Variants in MAPK10 observed in about 807,000 individuals in gnomAD.
MAPK10 encodes JNK3 alpha protein kinase.
MAPK10 carries 25 observed loss-of-function variants against 59.3 expected under a neutral mutation model. The observed-to-expected ratio is 0.42, with a 90% CI of 0.31 to 0.59. The LOEUF (loss-of-function observed/expected upper bound fraction) is 0.59. MAPK10 is among the 20% of genes least tolerant of loss of function. MAPK10 has a pLI of 0.15. For synonymous variants in MAPK10, 190 were observed against 200.5 expected (o/e 0.95, Z 0.44); for missense variants, 351 against 568.9 (o/e 0.62, Z 3.90).
chr4:86,286,230 C>T (rs1447554597), intron 2 of MAPK10, among the ~76,000 whole-genome samples: 1 of 152,260 alleles, frequency 6.6e-6, no homozygotes, highest in Non-Finnish European at 1.5e-5. Context: ...AATAGATTAT[C>T]ACTGGATAGC....
At chr4:86,091,241 T>C (rs984329221) in intron 9 of MAPK10, 16 of 151,380 alleles carry the variant, frequency 1.1e-4, no homozygotes, top group African/African-American at 3.9e-4. Context: ...AAAGGTTTAT[T>C]TATTTTAAAT....
chr4:86,183,043 A>T (rs1361887688), intron 3 of MAPK10, among the ~76,000 whole-genome samples: 1 of 152,138 alleles, frequency 6.6e-6, no homozygotes, highest in Non-Finnish European at 1.5e-5. Context: ...AAATGGCTGA[A>T]ATTTTTAGGC....
chr4:86,333,011 A>C (rs2096190647), intron 2 of MAPK10, among the ~76,000 whole-genome samples: 1 of 152,144 alleles, frequency 6.6e-6, no homozygotes, highest in Admixed American at 6.5e-5. Flanking sequence ...GGATCTTGCT[A>C]TTTTACACAG....
intron 2 of MAPK10, among the ~76,000 whole-genome samples, chr4:86,281,137 A>C (rs1229959151): frequency 1.3e-5 from 2 of 152,156 alleles, no homozygotes; most frequent in African/African-American, 4.8e-5. Flanking sequence ...ATAAAATGTC[A>C]GTTTCTGTTA....
At position 86,125,510 on chromosome 4, in the gene MAPK10, T is replaced by C. The variant is rs1304029875; in HGVS notation, c.237-18158A>G. ...CAAAATATTCCCTTTTAGATATAAG[T>C]GATATGCTCCCCTGCTGCTCAAGGG... On this transcript the variant is annotated intron_variant, in intron 4 of 13. Transcript: ENST00000641462. The C allele has an allele frequency of 2.6e-5, 4 of 152,070 alleles. No individual in the cohort carries two copies. The East Asian group carries it at 5.8e-4, about 22-fold the overall frequency. The allele number at this position is 152,070 out of a possible 1,614,324, so 9.4% of individuals were successfully genotyped here.
chr4:86,077,047 G>T (rs1435464504), intron 9 of MAPK10, among the ~76,000 whole-genome samples: 1 of 151,952 alleles, frequency 6.6e-6, no homozygotes, highest in Non-Finnish European at 1.5e-5. Flanking sequence ...CATTTAATAA[G>T]AATTATTTGA....
intron 1 of MAPK10, among the ~76,000 whole-genome samples, chr4:86,570,943 T>G (rs1327630638): frequency 6.6e-6 from 1 of 152,082 alleles, no homozygotes; most frequent in East Asian, 1.9e-4. Context: ...CAGTTGTTAA[T>G]AACTCCTAAC....
chr4:86,409,397 T>G (rs1040221815), intron 1 of MAPK10, among the ~76,000 whole-genome samples: 2 of 152,182 alleles, frequency 1.3e-5, no homozygotes, highest in African/African-American at 4.8e-5. Flanking sequence ...TTTTTTTGGT[T>G]CCATATGAAC....
chr4:86,478,031 T>C (rs1753265993), intron 1 of MAPK10, among the ~76,000 whole-genome samples: 1 of 152,132 alleles, frequency 6.6e-6, no homozygotes, highest in South Asian at 2.1e-4. Context: ...ATAATTATCA[T>C]AAAAACACAC....
chr4:86,374,534 G>A (rs942164260), intron 1 of MAPK10, among the ~76,000 whole-genome samples: 1 of 152,180 alleles, frequency 6.6e-6, no homozygotes, highest in Non-Finnish European at 1.5e-5. Context: ...GGCAGTCAGA[G>A]CAGCTATGAC....
chr4:86,240,364 C>G (rs1267950112), intron 2 of MAPK10, among the ~76,000 whole-genome samples: 1 of 152,156 alleles, frequency 6.6e-6, no homozygotes. Context: ...TCTACTAGGT[C>G]CACTTGGTCT....
At chr4:86,592,195 T>C (rs1763090862) in intron 1 of MAPK10, among the ~76,000 whole-genome samples, 1 of 152,124 alleles carries the variant, frequency 6.6e-6, no homozygotes, top group Non-Finnish European at 1.5e-5. Context: ...CATTTGTTAG[T>C]ATTGACTTTT....
chr4:86,247,586 C>T (rs1211371555), intron 2 of MAPK10, among the ~76,000 whole-genome samples: 2 of 152,126 alleles, frequency 1.3e-5, no homozygotes, highest in African/African-American at 4.8e-5. Context: ...GAGAAAGACA[C>T]ATAAATCAAC....
intron 2 of MAPK10, among the ~76,000 whole-genome samples, chr4:86,283,285 A>T (rs1197835855): frequency 6.6e-6 from 1 of 152,194 alleles, no homozygotes; most frequent in African/African-American, 2.4e-5. Flanking sequence ...AACAAAACTC[A>T]TCTGGAAAAC....
chr4:86,391,286 C>T (rs1378439412), intron 1 of MAPK10, among the ~76,000 whole-genome samples: 1 of 152,176 alleles, frequency 6.6e-6, no homozygotes, highest in Non-Finnish European at 1.5e-5. Flanking sequence ...CCACTCCAAT[C>T]AGAGTAAAAA....
chr4:86,223,481 T>C (rs545626338), intron 2 of MAPK10, among the ~76,000 whole-genome samples: 19 of 152,330 alleles, frequency 1.2e-4, no homozygotes, highest in Non-Finnish European at 2.5e-4. Context: ...ATGGAGGCTC[T>C]CACAGGGCCT....
At chr4:86,272,532 C>T (rs893107543) in intron 2 of MAPK10, among the ~76,000 whole-genome samples, 14 of 151,814 alleles carry the variant, frequency 9.2e-5, no homozygotes, top group Admixed American at 7.9e-4. Context: ...TACATTTATA[C>T]TCAGTTTTAA....
intron 1 of MAPK10, among the ~76,000 whole-genome samples, chr4:86,380,556 C>T (rs1186104356): frequency 6.6e-6 from 1 of 152,138 alleles, no homozygotes; most frequent in Non-Finnish European, 1.5e-5. Flanking sequence ...TTCCAATCAC[C>T]AACCTTTAGG....
intron 3 of MAPK10, chr4:86,193,911 G>GC: frequency 5.8e-6 from 1 of 171,680 alleles, no homozygotes; most frequent in South Asian, 1.4e-4. Flanking sequence ...CCTGCAGGTT[G>GC]CGAAGACCAT....
Sources: allele counts gnomAD v4.1 joint callset (sites outside exome capture counted in the v4.1 genomes callset), GRCh38; gene constraint gnomAD v4.1.1; transcripts MANE v1.5; gene names NCBI Gene and HGNC (gene_info 2026-07-23, HGNC 2026-07-21).